Variants in ASIC2 observed in about 807,000 individuals in gnomAD.
The protein encoded by ASIC2 is acid sensing ion channel subunit 2.
Under a neutral mutation model 57.3 loss-of-function variants are expected in ASIC2, and 25 were observed. That is an observed-to-expected ratio of 0.44 (90% CI 0.32 to 0.61). The LOEUF (loss-of-function observed/expected upper bound fraction) is 0.61, where lower values mean the gene tolerates loss of function less well. Among genes scored for constraint, ASIC2 ranks in the 20% least tolerant of loss-of-function variants. The probability of loss-of-function intolerance (pLI) is 0.06; values close to 1 mark genes in which losing one functional copy is unlikely to be tolerated. For synonymous variants in ASIC2, 319 were observed against 307.5 expected (o/e 1.04, Z -0.39); for missense variants, 641 against 738.1 (o/e 0.87, Z 1.52).
intron 1 of ASIC2, among the ~76,000 whole-genome samples, chr17:33,572,787 G>C (rs920650329): frequency 6.6e-6 from 1 of 152,190 alleles, no homozygotes; most frequent in Non-Finnish European, 1.5e-5. Flanking sequence ...AGTGATGGGC[G>C]CTGTCCATTG....
chr17:33,605,996 T>C (rs1431271524), intron 1 of ASIC2, among the ~76,000 whole-genome samples: 3 of 152,226 alleles, frequency 2.0e-5, no homozygotes, highest in Non-Finnish European at 2.9e-5. Context: ...GAGACTGCCA[T>C]TGATTTCCAG....
rs1944958102 is a variant in ASIC2 at position 33,013,791 on chromosome 17, C to A, written c.*174G>T. 4.8e-6 allele frequency: 3 copies of A among 631,086 alleles called. No homozygotes were observed. The highest frequency in any genetic ancestry group is 1.8e-5 in the African/African-American group (1 of 54,542). The allele number at this position is 631,086 out of a possible 1,614,324, so 39.1% of individuals were successfully genotyped here. A position where few individuals can be genotyped will look rare whatever the true frequency, so the allele number is the denominator to read the frequency against. The stretch of plus-strand genomic sequence containing the variant: ...GGACGCACGGCGGGGCCCAAGGATG[C>A]GTCGTGTTGGACGTGGCCGGAGCGA... On this transcript the variant is annotated 3_prime_UTR_variant, in exon 10 of 10. Coordinates refer to ENST00000225823, the MANE Select transcript of ASIC2 (RefSeq NM_183377.2).
At chr17:33,226,554 C>T (rs879298972) in intron 1 of ASIC2, among the ~76,000 whole-genome samples, 4 of 152,108 alleles carry the variant, frequency 2.6e-5, no homozygotes, top group African/African-American at 7.2e-5. Flanking sequence ...TCTTCTTGAC[C>T]CCCCAGTCAC....
At chr17:33,787,270 T>A (rs936173877) in intron 1 of ASIC2, among the ~76,000 whole-genome samples, 5 of 152,244 alleles carry the variant, frequency 3.3e-5, no homozygotes, top group African/African-American at 1.2e-4. Flanking sequence ...TACTACCTTT[T>A]TGGAGGCAGT....
rs550538769 is a variant in ASIC2 at position 33,399,398 on chromosome 17, G to C, written c.556-287331C>G. On this transcript the variant is annotated intron_variant, in intron 1 of 9. Coordinates refer to the ASIC2 transcript ENST00000359872. ...CTGGGGTGAGGGACGATCAGGAGGA[G>C]GGCTTGTCCTTGCAATTCCCAGTGA... is the stretch of plus-strand genomic sequence containing the variant. Among the ~76,000 whole-genome samples, 14 of 152,286 alleles carry C rather than the reference G, an allele frequency of 9.2e-5. No individual in the cohort carries two copies. The South Asian group carries it at 2.1e-3, about 23-fold the overall frequency.
chr17:33,685,302 C>T (rs1201662157), intron 1 of ASIC2, among the ~76,000 whole-genome samples: 2 of 152,178 alleles, frequency 1.3e-5, no homozygotes, highest in Non-Finnish European at 2.9e-5. Context: ...CCACACCCAG[C>T]GTGAAGATGA....
intron 1 of ASIC2, among the ~76,000 whole-genome samples, chr17:34,052,600 C>A (rs1908610601): frequency 6.6e-6 from 1 of 151,860 alleles, no homozygotes; most frequent in Non-Finnish European, 1.5e-5. Context: ...TAGTAAATAA[C>A]CCTGCCTATG....
At chr17:33,485,312 C>A (rs1386078598) in intron 1 of ASIC2, among the ~76,000 whole-genome samples, 1 of 152,358 alleles carries the variant, frequency 6.6e-6, no homozygotes, top group African/African-American at 2.4e-5. Context: ...TTAGGAATGG[C>A]TGCCCAGGGT....
chr17:33,512,737 C>G (rs965461852), intron 1 of ASIC2, among the ~76,000 whole-genome samples: 1 of 152,182 alleles, frequency 6.6e-6, no homozygotes, highest in African/African-American at 2.4e-5. Context: ...CCATGCCAAC[C>G]TCTTATGGTG....
chr17:33,284,444 A>G (rs1006605834), intron 1 of ASIC2, among the ~76,000 whole-genome samples: 1 of 152,166 alleles, frequency 6.6e-6, no homozygotes, highest in African/African-American at 2.4e-5. Flanking sequence ...GTCTGAGGGC[A>G]GAGGAGGATG....
At chr17:33,340,173 G>C (rs1597689934) in intron 1 of ASIC2, among the ~76,000 whole-genome samples, 1 of 152,204 alleles carries the variant, frequency 6.6e-6, no homozygotes, top group East Asian at 1.9e-4. Flanking sequence ...GGTCACCTTT[G>C]CTCTTGGTAT....
chr17:33,055,877 C>A (rs996251013), intron 3 of ASIC2, among the ~76,000 whole-genome samples: 14 of 152,154 alleles, frequency 9.2e-5, no homozygotes, highest in African/African-American at 3.4e-4. Flanking sequence ...GCTGGATCAC[C>A]CAGGGCAGTG....
At chr17:33,780,308 C>T (rs1334041668) in intron 1 of ASIC2, among the ~76,000 whole-genome samples, 1 of 152,096 alleles carries the variant, frequency 6.6e-6, no homozygotes, top group Non-Finnish European at 1.5e-5. Context: ...TATGCTGCCT[C>T]CCCTGGGTGG....
chr17:33,912,455 CT>C (rs1461980799), intron 1 of ASIC2, among the ~76,000 whole-genome samples: 1 of 151,978 alleles, frequency 6.6e-6, no homozygotes, highest in Non-Finnish European at 1.5e-5. Flanking sequence ...GCACTCCAGC[CT>C]GGGTGACAGA....
chr17:33,701,604 G>A (rs1178956183), intron 1 of ASIC2, among the ~76,000 whole-genome samples: 1 of 152,164 alleles, frequency 6.6e-6, no homozygotes, highest in Non-Finnish European at 1.5e-5. Context: ...TGAGTTCAAG[G>A]TAGGGTTTGA....
chr17:33,726,341 C>G (rs539167379), intron 1 of ASIC2, among the ~76,000 whole-genome samples: 8 of 152,246 alleles, frequency 5.3e-5, no homozygotes, highest in African/African-American at 1.9e-4. Flanking sequence ...AGAACTGCCC[C>G]GCTGAACCCA....
chr17:33,232,516 C>T (rs1908145881), intron 1 of ASIC2, among the ~76,000 whole-genome samples: 1 of 135,474 alleles, frequency 7.4e-6, no homozygotes, highest in South Asian at 2.3e-4. Flanking sequence ...TATGGTATGG[C>T]AGCCCAAGAA....
intron 1 of ASIC2, among the ~76,000 whole-genome samples, chr17:33,648,292 G>A (rs1003174463): frequency 6.6e-6 from 1 of 152,192 alleles, no homozygotes; most frequent in East Asian, 1.9e-4. Flanking sequence ...TCTCTGAGCA[G>A]AGGCAGCAAG....
chr17:33,136,291 T>C (rs531309649), intron 1 of ASIC2, among the ~76,000 whole-genome samples: 1 of 152,236 alleles, frequency 6.6e-6, no homozygotes, highest in Non-Finnish European at 1.5e-5. Flanking sequence ...GTTCTCAAGA[T>C]AGAGAAGGTT....
Sources: gnomAD v4.1 joint callset for allele counts (sites outside exome capture counted in the v4.1 genomes callset) on GRCh38, gnomAD v4.1.1 for gene constraint, MANE v1.5 for transcripts, NCBI Gene and HGNC (gene_info 2026-07-23, HGNC 2026-07-21) for gene names.